CTIF: variants seen among roughly 807,000 people sequenced by gnomAD.
CTIF encodes the protein CBP80/20-dependent translation initiation factor.
CTIF carries 21 observed loss-of-function variants against 66.0 expected under a neutral mutation model. The observed-to-expected ratio is 0.32, with a 90% confidence interval of 0.23 to 0.46. The LOEUF (loss-of-function observed/expected upper bound fraction) is 0.46. Ranked by LOEUF, CTIF falls within the 20% of genes least tolerant of loss-of-function variation. CTIF has a pLI of 1.00. For synonymous variants in CTIF, 345 were observed against 326.4 expected, an observed-to-expected ratio of 1.06 and a Z score of -0.62; for missense variants, 739 against 812.7, an observed-to-expected ratio of 0.91 and a Z score of 1.10.
chr18:48,613,308 C>T (rs1054881100), intron 1 of CTIF, among the ~76,000 whole-genome samples: 9 of 152,120 alleles, frequency 5.9e-5, no homozygotes, highest in Non-Finnish European at 1.0e-4. Flanking sequence ...GAAGGTCAGA[C>T]TCAAAGTCAG....
intron 1 of CTIF, among the ~76,000 whole-genome samples, chr18:48,549,272 G>A (rs2088827807): frequency 1.3e-5 from 2 of 152,206 alleles, no homozygotes; most frequent in Non-Finnish European, 2.9e-5. Flanking sequence ...GAATTCAGAT[G>A]GGGCTCAGTT....
chr18:48,758,319 A>T lies in CTIF; in HGVS notation c.985A>T (p.Ile329Phe). The change falls in exon 8 of 12, where the codon ATT becomes TTT. Residue 329 changes from isoleucine (I) to phenylalanine (F), a missense_variant. Ile to Phe is a conservative substitution (Grantham distance 21). Around this residue, in one of 2 missense-constraint regions of CTIF, gnomAD observed 529 missense variants for 520.3 expected, o/e 1.02. Transcript: ENST00000256413. ...GGTTGAGACAAAACGTAAAGACAGTATTCTTCCCGAGCGCATCGGGGAGCG... is the reference window on the plus strand; with the variant it reads ...GGTTGAGACAAAACGTAAAGACAGTTTTCTTCCCGAGCGCATCGGGGAGCG... ...PEVETKRKDS[I>F]LPERIGERPK... is the part of the protein sequence containing the mutation. The T allele has an allele frequency of 6.2e-7, 1 of 1,613,158 alleles. No homozygotes were observed. The highest frequency in any genetic ancestry group is 8.5e-7 in the Non-Finnish European group (1 of 1,179,984).
In CTIF at chr18:48,850,091, C is replaced by T. The variant is rs2069168393; in HGVS notation, c.1528-7497C>T. Among the ~76,000 whole-genome samples the T allele has an allele frequency of 2.0e-5, 3 of 152,170 alleles. No homozygotes were observed. In the South Asian group the frequency reaches 6.2e-4, roughly 32 times the overall value. Reference sequence around the variant, plus strand: ...TGTATGAATTTGACTACTCTAGGGACCTCATAGAAGTGGAATCATACAGTG... The same window carrying T: ...TGTATGAATTTGACTACTCTAGGGATCTCATAGAAGTGGAATCATACAGTG... On this transcript the variant is annotated intron_variant, in intron 10 of 11. Transcript: ENST00000256413.
At chr18:48,603,479 G>GTGGTGGGTGGA (rs2090139856) in intron 1 of CTIF, among the ~76,000 whole-genome samples, 1 of 102,504 alleles carries the variant, frequency 9.8e-6, no homozygotes, top group African/African-American at 5.7e-5. Context: ...GGCTAGATGG[G>GTGGTGGGTGGA]TGGGTGGGTG....
At chr18:48,621,499 C>A in intron 2 of CTIF, 1 of 350,740 alleles carries the variant, frequency 2.9e-6, no homozygotes, top group Non-Finnish European at 5.4e-6. Context: ...CCTGGAGTGG[C>A]CCCACATGAG....
intron 1 of CTIF, chr18:48,564,998 C>G (rs147875743): frequency 1.7e-4 from 26 of 152,274 alleles, no homozygotes; most frequent in African/African-American, 6.0e-4. Context: ...GAAGAATCAC[C>G]TCTTTCTCAT....
intron 6 of CTIF, among the ~76,000 whole-genome samples, chr18:48,686,896 C>T (rs886488890): frequency 4.6e-5 from 7 of 152,186 alleles, no homozygotes; most frequent in Non-Finnish European, 1.0e-4. Context: ...ACTCCTCCTT[C>T]GTTTACTTTC....
chr18:48,644,234 A>C (rs2090985221), intron 3 of CTIF, among the ~76,000 whole-genome samples: 1 of 152,184 alleles, frequency 6.6e-6, no homozygotes, highest in African/African-American at 2.4e-5. Context: ...CCAATCAGCC[A>C]GTCATCACTG....
rs1260239401 is a variant in CTIF, at chr18:48,758,185, A to G, written c.851A>G (p.Asp284Gly). 2.5e-6 allele frequency: 4 copies of G among 1,613,730 alleles called. No homozygotes were observed. Among genetic ancestry groups the G allele is most frequent in the Non-Finnish European group, 3.4e-6 (4 of 1,179,904 alleles). Reference protein sequence around the residue: ...TMTIENPKLEDTAGDTGHSSL... With the variant: ...TMTIENPKLEGTAGDTGHSSL... ...ACCATCGAGAACCCAAAACTGGAGGACACTGCAGGGGACACCGGGCACAGC... is the reference window on the plus strand; with the variant it reads ...ACCATCGAGAACCCAAAACTGGAGGGCACTGCAGGGGACACCGGGCACAGC... The change falls in exon 8 of 12, where the codon GAC becomes GGC. Residue 284 changes from aspartate (D) to glycine (G), a missense_variant. Asp to Gly is a moderately conservative substitution (Grantham distance 94, BLOSUM62 -1). This residue lies in a region of CTIF where 529 missense variants were observed against 520.3 expected (regional missense o/e 1.02). Coordinates refer to ENST00000256413, the MANE Select transcript of CTIF (RefSeq NM_014772.3).
intron 6 of CTIF, among the ~76,000 whole-genome samples, chr18:48,709,483 G>A (rs151059355): frequency 1.3e-5 from 2 of 152,250 alleles, no homozygotes; most frequent in African/African-American, 4.8e-5. Context: ...CACCGAGGAG[G>A]CTGGCACCCC....
At chr18:48,770,790 G>A (rs372575552) in intron 9 of CTIF, among the ~76,000 whole-genome samples, 17 of 152,320 alleles carry the variant, frequency 1.1e-4, no homozygotes, top group South Asian at 4.1e-4. Flanking sequence ...CCACGTTTCC[G>A]TCCTGCAAGG....
intron 1 of CTIF, among the ~76,000 whole-genome samples, chr18:48,545,400 G>A (rs1162968055): frequency 2.0e-5 from 3 of 151,964 alleles, no homozygotes; most frequent in African/African-American, 7.3e-5. Flanking sequence ...GGCTCTCCAC[G>A]GCATCCAGGT....
rs1909003125 is a variant in CTIF, at chr18:48,761,607, C to G, written c.1289C>G (p.Thr430Ser). Residue 430 changes from threonine to serine, a missense_variant, in exon 9 of 12, where the codon ACC becomes AGC. By Grantham distance (58) the Thr-to-Ser change is moderately conservative (BLOSUM62 1). Around this residue, in one of 2 missense-constraint regions of CTIF, gnomAD observed 210 missense variants for 292.3 expected, o/e 0.72. Coordinates refer to ENST00000256413, the MANE Select transcript of CTIF (RefSeq NM_014772.3). The surrounding 1 kb of genome is among the most constrained non-coding windows in gnomAD (Gnocchi z 4.2). ...KAVSDRSFAFTAAKLCDKMAL... is the reference protein window; with the variant it reads ...KAVSDRSFAFSAAKLCDKMAL... The stretch of plus-strand genomic sequence containing the variant: ...GTGTCCGACCGCAGCTTCGCCTTCA[C>G]CGCTGCCAAGCTCTGCGACAAGATG... The G allele has an allele frequency of 6.2e-7, 1 of 1,614,104 alleles. No homozygotes were observed. Among genetic ancestry groups the G allele is most frequent in the Non-Finnish European group, 8.5e-7 (1 of 1,180,050 alleles).
chr18:48,719,519 T>A (rs1356920749), intron 7 of CTIF, among the ~76,000 whole-genome samples: 1 of 152,222 alleles, frequency 6.6e-6, no homozygotes, highest in Admixed American at 6.5e-5. Context: ...TTATTACTCA[T>A]TGATTCATAT....
chr18:48,664,541 G>T lies in CTIF; in HGVS notation c.421G>T (p.Asp141Tyr). Residue 141 changes from aspartate (D) to tyrosine (Y), a missense_variant, in exon 5 of 12, where the codon GAC becomes TAC. By Grantham distance (160) the Asp-to-Tyr change is radical. Transcript: ENST00000256413. The stretch of plus-strand genomic sequence containing the variant: ...GCCCAAGCAGCCCCTGCCACACATC[G>T]ACCGCGAAGGGTAAGGGGTGCTGGG... ...HTPKQPLPHI[D>Y]REGCGKGKLE... is the part of the protein sequence containing the mutation. 2 of 1,611,478 alleles carry T rather than the reference G, an allele frequency of 1.2e-6. No individual in the cohort carries two copies. The highest frequency in any genetic ancestry group is 2.2e-5 in the South Asian group (2 of 91,056).
intron 7 of CTIF, among the ~76,000 whole-genome samples, chr18:48,748,167 T>C (rs1907435865): frequency 6.6e-6 from 1 of 152,048 alleles, no homozygotes; most frequent in African/African-American, 2.4e-5. Context: ...GGTCAGTCTC[T>C]TGGAGTGAAG....
At chr18:48,550,205 C>T (rs2088850463) in intron 1 of CTIF, among the ~76,000 whole-genome samples, 1 of 152,224 alleles carries the variant, frequency 6.6e-6, no homozygotes, top group African/African-American at 2.4e-5. Context: ...ACACTGGGGC[C>T]AGGTGGAGAA....
chr18:48,846,496 T>TGG (rs776403901), intron 10 of CTIF, among the ~76,000 whole-genome samples: 4,657 of 121,088 alleles, frequency 0.038, 104 homozygotes, highest in African/African-American at 0.095. Context: ...GATGAAAGGA[T>TGG]AGATGGATGG....
rs143466480 is a variant in CTIF at position 48,542,982 on chromosome 18, C to T, written c.-29+3670C>T. 6.6e-4 allele frequency among the ~76,000 whole-genome samples: 101 copies of T among 152,362 alleles called. 5 individuals are homozygous for T. In the South Asian group the frequency reaches 0.019, roughly 29 times the overall value. On this transcript the variant is annotated intron_variant, in intron 1 of 11. Coordinates refer to ENST00000256413, the MANE Select transcript of CTIF (RefSeq NM_014772.3). ...AGATGTGCTGTGACTCAGGGACAGG[C>T]TGTGGCTTTGGTCAAGGTCTCACTC...
Sources: gnomAD v4.1 joint callset for allele counts (sites outside exome capture counted in the v4.1 genomes callset) on GRCh38, gnomAD v4.1.1 for gene constraint, gnomAD v4.1.1 regional missense constraint, Gnocchi (gnomAD v3.1) non-coding constraint, MANE v1.5 for transcripts, NCBI Gene and HGNC (gene_info 2026-07-23, HGNC 2026-07-21) for gene names.